The following TEX36 variants were observed in gnomAD, a reference collection of about 807,000 sequenced individuals.
TEX36 encodes testis expressed 36, also known as testis-expressed protein 36.
Under a neutral mutation model 13.6 loss-of-function variants are expected in TEX36, and 12 were observed. That is an observed-to-expected ratio of 0.88 (90% CI 0.56 to 1.43). The LOEUF (loss-of-function observed/expected upper bound fraction) is 1.43. TEX36 is among the 40% of genes most tolerant of loss of function. The pLI, the probability that TEX36 is intolerant of heterozygous loss-of-function variation, is 0.00. For synonymous variants in TEX36, 93 were observed against 83.0 expected, an observed-to-expected ratio of 1.12 and a Z score of -0.65; for missense variants, 224 against 228.3, an observed-to-expected ratio of 0.98 and a Z score of 0.12.
intron 3 of TEX36, among the ~76,000 whole-genome samples, chr10:125,580,641 G>A (rs1845870955): frequency 6.6e-6 from 1 of 152,290 alleles, no homozygotes; most frequent in Non-Finnish European, 1.5e-5. Context: ...CATTACTGAA[G>A]CCCGCTAGGT....
At chr10:125,673,160 G>A (rs539686541) in intron 1 of TEX36, among the ~76,000 whole-genome samples, 1 of 152,254 alleles carries the variant, frequency 6.6e-6, no homozygotes, top group South Asian at 2.1e-4. Flanking sequence ...ATATGATCCT[G>A]TCATCATGAT....
At chr10:125,623,166 C>A (rs763358435) in intron 3 of TEX36, among the ~76,000 whole-genome samples, 2 of 152,198 alleles carry the variant, frequency 1.3e-5, no homozygotes, top group African/African-American at 2.4e-5. Flanking sequence ...AAAGTATCAT[C>A]ACCTAGTTGG....
At position 125,678,711 on chromosome 10, in the gene TEX36, A is replaced by T. The variant is rs144194285; in HGVS notation, c.51+4228T>A. ...CTCTAGGACTGCAGGTGGTGCTTGC[A>T]CATGGGGGCCAGCTGAGATGGTAGT... On this transcript the variant is annotated intron_variant, in intron 1 of 3. Transcript: ENST00000368821. 2.2e-3 allele frequency among the ~76,000 whole-genome samples: 338 copies of T among 152,210 alleles called. 2 individuals carry two copies. The highest frequency in any genetic ancestry group is 2.8e-3 in the Non-Finnish European group (192 of 68,004).
intron 3 of TEX36, among the ~76,000 whole-genome samples, chr10:125,581,186 C>G (rs890416332): frequency 1.6e-4 from 24 of 152,166 alleles, no homozygotes; most frequent in African/African-American, 5.5e-4. Flanking sequence ...CTGATGCAAC[C>G]AGGCACACCC....
chr10:125,643,443 A>G (rs1447444405), intron 3 of TEX36, among the ~76,000 whole-genome samples: 3 of 152,160 alleles, frequency 2.0e-5, no homozygotes, highest in Non-Finnish European at 4.4e-5. Context: ...CCCTATCTCT[A>G]CTAAAAATAC....
intron 3 of TEX36, among the ~76,000 whole-genome samples, chr10:125,598,151 G>T (rs941698395): frequency 6.6e-6 from 1 of 152,104 alleles, no homozygotes; most frequent in African/African-American, 2.4e-5. Context: ...ATGTCAGCAG[G>T]ACACACAGGT....
At chr10:125,576,547 A>AT in exon 4 of TEX36, 2 of 676,258 alleles carry the variant, frequency 3.0e-6, no homozygotes, top group South Asian at 4.0e-5. Flanking sequence ...AGATAGCCCT[A>AT]TTAATACCTG....
At chr10:125,601,367 T>A (rs545724579) in intron 3 of TEX36, among the ~76,000 whole-genome samples, 6 of 152,396 alleles carry the variant, frequency 3.9e-5, no homozygotes, top group African/African-American at 1.4e-4. Context: ...CAGGTTCCCA[T>A]CTCAGAGGCC....
chr10:125,679,598 T>C (rs1351291917), intron 1 of TEX36, among the ~76,000 whole-genome samples: 2 of 152,166 alleles, frequency 1.3e-5, no homozygotes, highest in East Asian at 3.9e-4. Context: ...GTCTCTCACT[T>C]ACTCACTTAC....
chr10:125,591,310 G>A (rs1270364321), intron 3 of TEX36, among the ~76,000 whole-genome samples: 1 of 152,178 alleles, frequency 6.6e-6, no homozygotes, highest in African/African-American at 2.4e-5. Flanking sequence ...CAACAGGAGG[G>A]AAGATCAGTT....
chr10:125,591,326 A>G (rs1846018988), intron 3 of TEX36, among the ~76,000 whole-genome samples: 1 of 152,186 alleles, frequency 6.6e-6, no homozygotes, highest in Non-Finnish European at 1.5e-5. Flanking sequence ...CAGTTGGTGG[A>G]TGGTGAAAGT....
At chr10:125,603,889 G>A (rs933754440) in intron 3 of TEX36, among the ~76,000 whole-genome samples, 1 of 152,088 alleles carries the variant, frequency 6.6e-6, no homozygotes, top group African/African-American at 2.4e-5. Flanking sequence ...GCACTGGCTG[G>A]GCCCAGTGGG....
downstream of TEX36, among the ~76,000 whole-genome samples, chr10:125,653,545 G>C (rs1322659569): frequency 6.6e-6 from 1 of 151,566 alleles, no homozygotes; most frequent in African/African-American, 2.4e-5. Flanking sequence ...TAAATGACGA[G>C]TTAACAGGTG....
intron 3 of TEX36, among the ~76,000 whole-genome samples, chr10:125,660,737 A>G (rs1164118736): frequency 6.6e-6 from 1 of 152,206 alleles, no homozygotes; most frequent in African/African-American, 2.4e-5. Context: ...GCAGATCCTC[A>G]CAAGAAAGCT....
chr10:125,642,852 G>T (rs533591658), intron 3 of TEX36, among the ~76,000 whole-genome samples: 1 of 152,232 alleles, frequency 6.6e-6, no homozygotes, highest in Non-Finnish European at 1.5e-5. Context: ...GCATTGGTTG[G>T]TTGGTTGGTT....
chr10:125,644,424 T>C (rs543674391), intron 3 of TEX36, among the ~76,000 whole-genome samples: 1 of 151,484 alleles, frequency 6.6e-6, no homozygotes, highest in African/African-American at 2.4e-5. Flanking sequence ...AAAAGAAAAC[T>C]GAAAATAAAA....
At chr10:125,671,111 A>C (rs1351577448) in intron 1 of TEX36, among the ~76,000 whole-genome samples, 1 of 152,142 alleles carries the variant, frequency 6.6e-6, no homozygotes, top group Non-Finnish European at 1.5e-5. Context: ...TTCCTGTTTG[A>C]ATACACTTTA....
intron 3 of TEX36, among the ~76,000 whole-genome samples, chr10:125,628,075 T>A (rs1339331897): frequency 6.6e-6 from 1 of 152,218 alleles, no homozygotes; most frequent in Non-Finnish European, 1.5e-5. Context: ...AAAAAAACTA[T>A]TAATAAAATG....
intron 1 of TEX36, among the ~76,000 whole-genome samples, chr10:125,678,368 G>A (rs1470454861): frequency 6.6e-6 from 1 of 152,162 alleles, no homozygotes; most frequent in South Asian, 2.1e-4. Flanking sequence ...TTGTGCTGGG[G>A]ACTGAGATGC....
Sources: gnomAD v4.1 joint callset for allele counts (sites outside exome capture counted in the v4.1 genomes callset) on GRCh38, gnomAD v4.1.1 for gene constraint, MANE v1.5 for transcripts, NCBI Gene and HGNC (gene_info 2026-07-23, HGNC 2026-07-21) for gene names.